The following CEP135 variants were observed in gnomAD, a reference collection of about 807,000 sequenced individuals.
CEP135 encodes centrosomal protein 135, also known as centrosomal protein of 135 kDa.
CEP135 carries 142 observed loss-of-function variants against 157.3 expected under a neutral mutation model. The ratio of observed to expected loss-of-function variants is 0.90; its 90% CI spans 0.79 to 1.04. The LOEUF (loss-of-function observed/expected upper bound fraction) is 1.04. Ranked by LOEUF, CEP135 falls within the 50% of genes least tolerant of loss-of-function variation. CEP135 has a pLI of 0.00. For synonymous variants in CEP135, 396 were observed against 439.8 expected, an observed-to-expected ratio of 0.90 and a Z score of 1.25; for missense variants, 1,317 against 1,309.2, an observed-to-expected ratio of 1.01 and a Z score of -0.09.
At chr4:55,992,720 C>A (rs938934357) in intron 15 of CEP135, among the ~76,000 whole-genome samples, 6 of 152,110 alleles carry the variant, frequency 3.9e-5, no homozygotes, top group Middle Eastern at 3.2e-3. Context: ...TTAAGAAACA[C>A]TTTTTATATA....
At chr4:56,009,658 AGACTAT>A in intron 18 of CEP135, 71 bp from the exon 19 acceptor site, 1 of 1,274,244 alleles carries the variant, frequency 7.8e-7, no homozygotes, top group Non-Finnish European at 1.1e-6. Context: ...AAGTATACTT[AGACTAT>A]AAGTTTTCTT....
chr4:55,990,957 CT>C (rs1490851605), intron 14 of CEP135, among the ~76,000 whole-genome samples: 1 of 151,726 alleles, frequency 6.6e-6, no homozygotes, highest in Non-Finnish European at 1.5e-5. Context: ...TATGTGAAAT[CT>C]TCACTGTTCT....
intron 14 of CEP135, among the ~76,000 whole-genome samples, chr4:55,985,789 C>T (rs1312396736): frequency 6.6e-6 from 1 of 152,048 alleles, no homozygotes; most frequent in Non-Finnish European, 1.5e-5. Flanking sequence ...ATTACAATTA[C>T]AATAGCTGGG....
chr4:55,990,502 A>G (rs773165318), intron 14 of CEP135, among the ~76,000 whole-genome samples: 2 of 152,018 alleles, frequency 1.3e-5, no homozygotes, highest in Non-Finnish European at 2.9e-5. Context: ...ACACTTATTT[A>G]TTTATTTTAA....
chr4:55,961,761 G>T (rs1177047977), intron 6 of CEP135, among the ~76,000 whole-genome samples: 3 of 58,798 alleles, frequency 5.1e-5, no homozygotes, highest in Non-Finnish European at 8.5e-5. Context: ...CGAAAACTCT[G>T]TCTAAAAAAA....
At position 55,964,181 on chromosome 4, in the gene CEP135, A is replaced by T; in HGVS notation, c.700-93A>T. On this transcript the variant is annotated intron_variant, in intron 6 of 25. Coordinates refer to ENST00000257287, the MANE Select transcript of CEP135 (RefSeq NM_025009.5). ...GTTAATCTCTTGCATACATTGGTAC[A>T]TAAGAAAATATATCCAAATAAATGT... The T allele has an allele frequency of 2.4e-6, 3 of 1,248,196 alleles. No homozygotes were observed. The South Asian group carries it at 5.0e-5, about 21-fold the overall frequency. The allele number at this position is 1,248,196 out of a possible 1,614,324, so 77.3% of individuals were successfully genotyped here. A position where few individuals can be genotyped will look rare whatever the true frequency, so the allele number is the denominator to read the frequency against.
At chr4:56,005,621 T>A (rs1730325787) in intron 17 of CEP135, among the ~76,000 whole-genome samples, 1 of 152,234 alleles carries the variant, frequency 6.6e-6, no homozygotes, top group South Asian at 2.1e-4. Context: ...GAATTATAAG[T>A]GGATTGTATA....
rs780090740 is a variant in CEP135, at chr4:55,981,393, C to A, written c.1779+14C>A. ...GAAAAATTAGAGGTAAGAAGATTGACATGTTTTTGAAAGGTAATTTGTTGA... is the reference window on the plus strand; with the variant it reads ...GAAAAATTAGAGGTAAGAAGATTGAAATGTTTTTGAAAGGTAATTTGTTGA... On this transcript the variant is annotated intron_variant, in intron 13 of 25. Transcript: ENST00000257287. 1.3e-6 allele frequency: 2 copies of A among 1,557,808 alleles called. No homozygotes were observed. The highest frequency in any genetic ancestry group is 2.5e-5 in the South Asian group (2 of 80,668).
At chr4:55,998,534 C>G (rs1434408612) in intron 15 of CEP135, among the ~76,000 whole-genome samples, 4 of 152,044 alleles carry the variant, frequency 2.6e-5, no homozygotes, top group Admixed American at 2.6e-4. Flanking sequence ...ATTTGACTAC[C>G]CGGCCAAAAA....
rs567748083 is a variant in CEP135 at position 55,969,277 on chromosome 4, A to G, written c.1110+149A>G. On this transcript the variant is annotated intron_variant, in intron 9 of 25. Coordinates refer to ENST00000257287, the MANE Select transcript of CEP135 (RefSeq NM_025009.5). Reference sequence around the variant, plus strand: ...CCCCGTCTCTACTAAAAATACAAAAATTAGCTGGGAGTGGTGGCGCATGCC... The same window carrying G: ...CCCCGTCTCTACTAAAAATACAAAAGTTAGCTGGGAGTGGTGGCGCATGCC... 198 of 589,678 alleles carry G rather than the reference A, an allele frequency of 3.4e-4. 2 individuals carry two copies. In the African/African-American group the frequency reaches 3.4e-3, roughly 10 times the overall value. The allele number at this position is 589,678 out of a possible 1,614,324, so 36.5% of individuals were successfully genotyped here.
Position 55,965,921 on chromosome 4 carries a change from T to A in CEP135, c.1044+62T>A, listed in dbSNP as rs531204840. The A allele has an allele frequency of 6.2e-5, 82 of 1,319,148 alleles. No individual in the cohort carries two copies. The East Asian group carries it at 1.9e-3, about 31-fold the overall frequency. The allele number at this position is 1,319,148 out of a possible 1,614,324, so 81.7% of individuals were successfully genotyped here. A position where few individuals can be genotyped will look rare whatever the true frequency, so the allele number is the denominator to read the frequency against. ...TTAATTCTCCTAGCACACGGTAAGC[T>A]TGATCCCTTTTGATATCTGCATTCA... On this transcript the variant is annotated intron_variant, in intron 8 of 25. Coordinates refer to ENST00000257287, the MANE Select transcript of CEP135 (RefSeq NM_025009.5).
chr4:56,013,689 T>C (rs965043859), intron 21 of CEP135, among the ~76,000 whole-genome samples: 11 of 152,214 alleles, frequency 7.2e-5, no homozygotes, highest in Non-Finnish European at 1.6e-4. Context: ...TGATATACAA[T>C]AGTTGGCCAT....
At chr4:55,965,982 T>C in intron 8 of CEP135, 123 bp downstream of exon 8, 1 of 799,132 alleles carries the variant, frequency 1.3e-6, no homozygotes, top group African/African-American at 1.7e-5. Flanking sequence ...GTTTTTGTTT[T>C]TTTGCTTTGG....
chr4:55,981,158 T>C, intron 12 of CEP135, 69 bp from the exon 13 acceptor site: 1 of 1,438,396 alleles, frequency 7.0e-7, no homozygotes, highest in East Asian at 2.6e-5. Context: ...TGGAAACATA[T>C]CCAAAGTATT....
chr4:55,995,119 AT>A (rs1729926561), intron 15 of CEP135, among the ~76,000 whole-genome samples: 1 of 152,240 alleles, frequency 6.6e-6, no homozygotes, highest in African/African-American at 2.4e-5. Context: ...TAATTACAGC[AT>A]TTAATGAGAT....
intron 19 of CEP135, among the ~76,000 whole-genome samples, chr4:56,010,416 A>T (rs975442631): frequency 3.3e-5 from 5 of 149,810 alleles, no homozygotes; most frequent in Admixed American, 6.6e-5. Flanking sequence ...AAAAAAACAC[A>T]TAGCTTAGAA....
chr4:55,981,830 A>G (rs1302141406), intron 13 of CEP135, among the ~76,000 whole-genome samples: 2 of 152,202 alleles, frequency 1.3e-5, no homozygotes, highest in Non-Finnish European at 2.9e-5. Flanking sequence ...ATTACATTCC[A>G]ATAAACCCAT....
chr4:56,018,401 A>G (rs1293241015), intron 22 of CEP135, among the ~76,000 whole-genome samples: 2 of 152,210 alleles, frequency 1.3e-5, no homozygotes, highest in Non-Finnish European at 2.9e-5. Flanking sequence ...ATGGCTATCT[A>G]GGAGATTATG....
chr4:56,011,640 T>G, intron 20 of CEP135, 118 bp downstream of exon 20: 1 of 955,836 alleles, frequency 1.0e-6, no homozygotes, highest in South Asian at 1.6e-5. Context: ...TCTACTGCCT[T>G]TTTCTATTTT....
Sources: allele counts gnomAD v4.1 joint callset (sites outside exome capture counted in the v4.1 genomes callset), GRCh38; gene constraint gnomAD v4.1.1; transcripts MANE v1.5; gene names NCBI Gene and HGNC (gene_info 2026-07-23, HGNC 2026-07-21).